VAMP7: variants seen among roughly 807,000 people sequenced by gnomAD.
VAMP7 encodes vesicle-associated membrane protein 7.
VAMP7 carries 14 observed loss-of-function variants against 29.6 expected under a neutral mutation model. The observed-to-expected ratio is 0.47, with a 90% confidence interval of 0.31 to 0.74. VAMP7 has a LOEUF of 0.74. VAMP7 is among the 30% of genes least tolerant of loss of function. The pLI is 0.05. For synonymous variants in VAMP7, 95 were observed against 88.1 expected (o/e 1.08, Z -0.44); for missense variants, 223 against 262.4 (o/e 0.85, Z 1.04).
intron 5 of VAMP7, among the ~76,000 whole-genome samples, chrX:155,914,943 G>T (rs2066289929): frequency 6.6e-6 from 1 of 152,142 alleles, no homozygotes; most frequent in African/African-American, 2.4e-5. Context: ...AATGGTACCA[G>T]CTCCTCTTTA....
intron 6 of VAMP7, among the ~76,000 whole-genome samples, chrX:155,921,588 A>T (rs1278339808): frequency 6.6e-6 from 1 of 151,830 alleles, no homozygotes. Context: ...ATTCCATTAT[A>T]CAAATCTACC....
Position 155,902,476 on chromosome X carries a change from G to A in VAMP7, c.433+1889G>A, listed in dbSNP as rs1313687649. The stretch of plus-strand genomic sequence containing the variant: ...TTCAAAGGGAATGCTTCCAGTTTTT[G>A]CCCATTCAGTATGATATTGGCTGTG... On this transcript the variant is annotated intron_variant, in intron 5 of 7. Coordinates refer to ENST00000286448, the MANE Select transcript of VAMP7 (RefSeq NM_005638.6). Among the ~76,000 whole-genome samples the A allele has an allele frequency of 9.4e-5, 14 of 148,622 alleles. No homozygotes were observed. In the East Asian group the frequency reaches 2.6e-3, roughly 27 times the overall value.
chrX:155,909,096 G>A (rs2066195560), intron 5 of VAMP7, among the ~76,000 whole-genome samples: 1 of 152,140 alleles, frequency 6.6e-6, no homozygotes, highest in African/African-American at 2.4e-5. Flanking sequence ...CAAAGTGCTA[G>A]GATTACAGGC....
intron 6 of VAMP7, among the ~76,000 whole-genome samples, chrX:155,933,506 A>G (rs2066597138): frequency 6.6e-6 from 1 of 152,166 alleles, no homozygotes; most frequent in Non-Finnish European, 1.5e-5. Flanking sequence ...TGTTTGTAGT[A>G]TTCTCTGATG....
At position 155,915,250 on chromosome X, in the gene VAMP7, T is replaced by C. The variant is rs28863200; in HGVS notation, c.434-4563T>C. 7.2e-3 allele frequency among the ~76,000 whole-genome samples: 1,094 copies of C among 152,290 alleles called. 15 individuals carry two copies. The highest frequency in any genetic ancestry group is 0.025 in the African/African-American group (1,047 of 41,560). ...TTATTGTTTCTATTTGATTCTTCTC[T>C]CTTTTCTCCTTTATTAGTCTCGCTA... On this transcript the variant is annotated intron_variant, in intron 5 of 7. Transcript: ENST00000286448.
At chrX:155,899,897 A>T (rs1487960372) in intron 4 of VAMP7, among the ~76,000 whole-genome samples, 1 of 152,076 alleles carries the variant, frequency 6.6e-6, no homozygotes, top group Admixed American at 6.6e-5. Context: ...GAAGCACTTA[A>T]CACAATGAAA....
chrX:155,889,985 G>T lies in VAMP7; in HGVS notation c.146+373G>T, dbSNP rs5983808. Among the ~76,000 whole-genome samples, 5 of 151,866 alleles carry T rather than the reference G, an allele frequency of 3.3e-5. No individual in the cohort carries two copies. The East Asian group carries it at 7.8e-4, about 24-fold the overall frequency. On this transcript the variant is annotated intron_variant, in intron 2 of 7. Coordinates refer to ENST00000286448, the MANE Select transcript of VAMP7 (RefSeq NM_005638.6). ...ATTGCCAGGCACTTTGCTTGGTGCT[G>T]GGGATATAACAAGATATGTGGTATT...
At chrX:155,920,281 A>C (rs2066376634) in intron 6 of VAMP7, among the ~76,000 whole-genome samples, 1 of 152,132 alleles carries the variant, frequency 6.6e-6, no homozygotes, top group Non-Finnish European at 1.5e-5. Flanking sequence ...TTTTGCTTAC[A>C]CTGATAGTTT....
intron 5 of VAMP7, among the ~76,000 whole-genome samples, chrX:155,904,922 A>G (rs866230626): frequency 7.8e-6 from 1 of 128,558 alleles, no homozygotes. Flanking sequence ...ATATATATAT[A>G]TGTTTTTGGT....
intron 6 of VAMP7, among the ~76,000 whole-genome samples, chrX:155,922,263 G>A (rs1429688710): frequency 3.3e-5 from 5 of 151,748 alleles, no homozygotes; most frequent in African/African-American, 1.2e-4. Flanking sequence ...ACACAATACT[G>A]AATACAAGTG....
intron 7 of VAMP7, among the ~76,000 whole-genome samples, chrX:155,940,641 G>A (rs1338594493): frequency 1.3e-5 from 2 of 152,130 alleles, no homozygotes; most frequent in African/African-American, 4.8e-5. Flanking sequence ...GCAGAGCACA[G>A]CTCTAAATGC....
chrX:155,912,901 G>C (rs1482400831), intron 5 of VAMP7, among the ~76,000 whole-genome samples: 5 of 152,108 alleles, frequency 3.3e-5, no homozygotes, highest in Non-Finnish European at 7.4e-5. Flanking sequence ...GGGTCAAATG[G>C]TATTTCTGGT....
At chrX:155,899,825 G>A (rs888045065) in intron 4 of VAMP7, among the ~76,000 whole-genome samples, 7 of 152,064 alleles carry the variant, frequency 4.6e-5, no homozygotes, top group Admixed American at 4.6e-4. Context: ...TCCTTTGTCT[G>A]TAAATAGAGA....
intron 2 of VAMP7, among the ~76,000 whole-genome samples, chrX:155,894,893 G>A (rs1021919408): frequency 2.0e-5 from 3 of 152,128 alleles, no homozygotes; most frequent in Non-Finnish European, 4.4e-5. Flanking sequence ...TAGGATTACA[G>A]GCATGAGCCA....
At chrX:155,930,509 G>T (rs757267245) in intron 6 of VAMP7, among the ~76,000 whole-genome samples, 1 of 151,158 alleles carries the variant, frequency 6.6e-6, no homozygotes, top group Non-Finnish European at 1.5e-5. Context: ...AAAAAAATAG[G>T]TGTGATTGGG....
chrX:155,907,322 C>A (rs762163424), intron 5 of VAMP7, among the ~76,000 whole-genome samples: 2 of 151,460 alleles, frequency 1.3e-5, no homozygotes, highest in Non-Finnish European at 2.9e-5. Context: ...TTCTCACAGA[C>A]GGGGATTTGG....
At chrX:155,925,289 C>A (rs2066452355) in intron 6 of VAMP7, among the ~76,000 whole-genome samples, 1 of 152,120 alleles carries the variant, frequency 6.6e-6, no homozygotes, top group African/African-American at 2.4e-5. Flanking sequence ...GTTTACTTTG[C>A]CCAGATCCAT....
At chrX:155,922,354 A>C (rs2066408526) in intron 6 of VAMP7, among the ~76,000 whole-genome samples, 1 of 152,042 alleles carries the variant, frequency 6.6e-6, no homozygotes, top group South Asian at 2.1e-4. Flanking sequence ...TTCAGTGTTA[A>C]GTTTGTGGTT....
intron 5 of VAMP7, among the ~76,000 whole-genome samples, chrX:155,908,182 C>T (rs1377349089): frequency 2.0e-5 from 3 of 152,234 alleles, no homozygotes; most frequent in Non-Finnish European, 4.4e-5. Context: ...GCTGCAATCT[C>T]GGCACTTTGG....
Sources: gnomAD v4.1 joint callset for allele counts (sites outside exome capture counted in the v4.1 genomes callset) on GRCh38, gnomAD v4.1.1 for gene constraint, MANE v1.5 for transcripts, NCBI Gene and HGNC (gene_info 2026-07-23, HGNC 2026-07-21) for gene names.